The following SYK variants were observed in gnomAD, a reference collection of about 807,000 sequenced individuals.
The protein encoded by SYK is tyrosine-protein kinase SYK.
Under a neutral mutation model 77.8 loss-of-function variants are expected in SYK, and 16 were observed. The observed-to-expected ratio is 0.21, with a 90% confidence interval of 0.14 to 0.31. The LOEUF is 0.31. SYK is among the 10% of genes least tolerant of loss of function. The pLI is 1.00. For missense variants in SYK, 529 were observed against 814.4 expected (o/e 0.65, Z 4.26); for synonymous variants, 312 against 308.7 (o/e 1.01, Z -0.11).
intron 7 of SYK, among the ~76,000 whole-genome samples, chr9:90,873,217 C>G (rs867608678): frequency 1.3e-5 from 2 of 151,974 alleles, no homozygotes; most frequent in African/African-American, 4.8e-5. Flanking sequence ...GTGACTGTCA[C>G]GTTAAGCTTA....
At chr9:90,889,481 T>G (rs925302211) in intron 13 of SYK, among the ~76,000 whole-genome samples, 4 of 152,330 alleles carry the variant, frequency 2.6e-5, no homozygotes, top group African/African-American at 9.6e-5. Flanking sequence ...TGCCAGAGCC[T>G]CTGAAAGATG....
At chr9:90,877,439 A>C in intron 9 of SYK, 132 bp from the exon 10 acceptor site, 1 of 951,886 alleles carries the variant, frequency 1.1e-6, no homozygotes, top group African/African-American at 1.6e-5. Context: ...AGGCTTCTGA[A>C]GACACATTGC....
At chr9:90,838,236 T>C (rs1826162173) in intron 1 of SYK, among the ~76,000 whole-genome samples, 1 of 152,232 alleles carries the variant, frequency 6.6e-6, no homozygotes, top group African/African-American at 2.4e-5. Flanking sequence ...TATTCTGCAC[T>C]AGGAGCTGTT....
chr9:90,878,615 TA>T, intron 10 of SYK, 148 bp from the exon 11 acceptor site: 1 of 619,024 alleles, frequency 1.6e-6, no homozygotes, highest in African/African-American at 1.8e-5. Context: ...AGCTATATGC[TA>T]ACAAAGTTAT....
intron 1 of SYK, among the ~76,000 whole-genome samples, chr9:90,807,953 C>A (rs976544253): frequency 6.6e-6 from 1 of 152,156 alleles, no homozygotes; most frequent in Non-Finnish European, 1.5e-5. Flanking sequence ...CTTCTTAATA[C>A]CTTTATCACT....
At chr9:90,870,206 C>T (rs984309577) in intron 7 of SYK, among the ~76,000 whole-genome samples, 3 of 151,948 alleles carry the variant, frequency 2.0e-5, no homozygotes, top group Non-Finnish European at 4.4e-5. Flanking sequence ...TGAATTAAAC[C>T]CCTCCCAATA....
intron 9 of SYK, among the ~76,000 whole-genome samples, chr9:90,876,819 A>C (rs1034035379): frequency 2.0e-5 from 3 of 152,244 alleles, no homozygotes; most frequent in African/African-American, 7.2e-5. Flanking sequence ...AATGTATTAC[A>C]TTGAAATATA....
At chr9:90,850,522 T>A (rs913008026) in intron 3 of SYK, among the ~76,000 whole-genome samples, 9 of 151,778 alleles carry the variant, frequency 5.9e-5, no homozygotes, top group Non-Finnish European at 1.0e-4. Context: ...TCTCAAAAAA[T>A]ATATATATTA....
chr9:90,872,577 AATC>A (rs1311544113), intron 7 of SYK, among the ~76,000 whole-genome samples: 1 of 152,234 alleles, frequency 6.6e-6, no homozygotes, highest in Non-Finnish European at 1.5e-5. Flanking sequence ...TTATATTATA[AATC>A]AGAAGTGAAA....
intron 7 of SYK, among the ~76,000 whole-genome samples, chr9:90,870,915 A>T (rs1397071150): frequency 6.6e-6 from 1 of 152,214 alleles, no homozygotes; most frequent in Non-Finnish European, 1.5e-5. Flanking sequence ...TAGTAAATGG[A>T]TGTTAGGACA....
chr9:90,811,961 A>C (rs1825096936), intron 1 of SYK, among the ~76,000 whole-genome samples: 1 of 151,866 alleles, frequency 6.6e-6, no homozygotes, highest in African/African-American at 2.4e-5. Context: ...AAAAACCTAA[A>C]AATCTCCCAC....
chr9:90,839,983 A>G (rs1826232459), intron 1 of SYK, among the ~76,000 whole-genome samples: 1 of 152,018 alleles, frequency 6.6e-6, no homozygotes. Flanking sequence ...TTGAGGGAGG[A>G]CCGGGCAGCT....
At chr9:90,839,320 C>A (rs1826206463) in intron 1 of SYK, among the ~76,000 whole-genome samples, 1 of 152,216 alleles carries the variant, frequency 6.6e-6, no homozygotes, top group African/African-American at 2.4e-5. Flanking sequence ...CCCAGGTCAA[C>A]TCCGGCACAG....
intron 3 of SYK, among the ~76,000 whole-genome samples, chr9:90,851,070 T>C (rs186263684): frequency 8.3e-4 from 126 of 152,302 alleles, no homozygotes; most frequent in African/African-American, 2.4e-3. Flanking sequence ...GCTAAACTTA[T>C]TGTTTTTCAA....
chr9:90,884,690 CAT>C lies in SYK; in HGVS notation c.1582-3056_1582-3055del, dbSNP rs1245927623. 1.8e-4 allele frequency among the ~76,000 whole-genome samples: 10 copies of C among 55,662 alleles called. 4 individuals carry two copies. Among genetic ancestry groups the C allele is most frequent in the African/African-American group, 5.2e-4 (6 of 11,622 alleles). The allele number at this position is 55,662 out of a possible 152,430, so 36.5% of individuals were successfully genotyped here. A position where few individuals can be genotyped will look rare whatever the true frequency, so the allele number is the denominator to read the frequency against. ...ACATGTACATATATACACATATACA[CAT>C]ATGTGTACATGTACATATACACATA... On this transcript the variant is annotated intron_variant, in intron 11 of 13. Transcript: ENST00000375754.
rs746939088 is a variant in SYK, at chr9:90,817,845, TTG to T, written c.-42+15989_-42+15990del. On this transcript the variant is annotated intron_variant, in intron 1 of 13. Transcript: ENST00000375754. ...AATATTTCCTCCCTTCTCAATAATGTTGTGTGTGTGTGTGTGTGTGTGTGTGT... is the reference window on the plus strand; with the variant it reads ...AATATTTCCTCCCTTCTCAATAATGTTGTGTGTGTGTGTGTGTGTGTGTGT... 5.7e-3 allele frequency among the ~76,000 whole-genome samples: 786 copies of T among 137,580 alleles called. 4 individuals are homozygous for T. The Middle Eastern group carries it at 0.059, about 10-fold the overall frequency. The allele number at this position is 137,580 out of a possible 152,430, so 90.3% of individuals were successfully genotyped here. A position where few individuals can be genotyped will look rare whatever the true frequency, so the allele number is the denominator to read the frequency against.
At chr9:90,824,501 G>A (rs929444681) in intron 1 of SYK, among the ~76,000 whole-genome samples, 6 of 151,950 alleles carry the variant, frequency 3.9e-5, no homozygotes, top group Non-Finnish European at 7.4e-5. Context: ...ACCCAACAAC[G>A]TATGAAAAGA....
At chr9:90,874,958 G>T in intron 9 of SYK, 109 bp downstream of exon 9, 1 of 1,277,594 alleles carries the variant, frequency 7.8e-7, no homozygotes, top group Non-Finnish European at 1.1e-6. Context: ...TTTTATTAAT[G>T]CTACCATTCT....
In SYK at chr9:90,874,700, C is replaced by T; in HGVS notation, c.1032C>T (p.Asp344=). ...CCCAGAGAGAAGCCCTACCCATGGA[C>T]ACAGAGGTGTACGAGAGCCCCTACG... ...KGPQREALPM[D]TEVYESPYAD... is the part of the protein sequence containing the mutation. The change falls in exon 9 of 14, where the codon GAC becomes GAT. Residue 344 remains aspartate, a synonymous_variant. Coordinates refer to ENST00000375754, the MANE Select transcript of SYK (RefSeq NM_003177.7). 6.2e-7 allele frequency: 1 copy of T among 1,614,052 alleles called. No individual in the cohort carries two copies. Among genetic ancestry groups the T allele is most frequent in the East Asian group, 2.2e-5 (1 of 44,878 alleles).
Sources: gnomAD v4.1 joint callset for allele counts (sites outside exome capture counted in the v4.1 genomes callset) on GRCh38, gnomAD v4.1.1 for gene constraint, MANE v1.5 for transcripts, NCBI Gene and HGNC (gene_info 2026-07-23, HGNC 2026-07-21) for gene names.